PCDHA1: variants seen among roughly 807,000 people sequenced by gnomAD.
PCDHA1 encodes protocadherin alpha 1.
PCDHA1 carries 42 observed loss-of-function variants against 61.3 expected under a neutral mutation model. That is an observed-to-expected ratio of 0.69 (90% CI 0.54 to 0.89). The LOEUF is 0.89. PCDHA1 is among the 40% of genes least tolerant of loss of function. The pLI is 0.00. For synonymous variants in PCDHA1, 610 were observed against 553.8 expected (o/e 1.10, Z -1.43); for missense variants, 1,256 against 1,235.3 (o/e 1.02, Z -0.25).
At chr5:140,941,210 TC>T (rs2092849552) in intron 1 of PCDHA1, among the ~76,000 whole-genome samples, 1 of 100,630 alleles carries the variant, frequency 9.9e-6, no homozygotes, top group African/African-American at 5.4e-5. Flanking sequence ...TTCCTTTCTT[TC>T]TTCCTTTCTT....
intron 1 of PCDHA1, chr5:140,881,374 G>A: frequency 3.0e-6 from 3 of 984,938 alleles, no homozygotes; most frequent in Non-Finnish European, 3.6e-6. Flanking sequence ...ATGAATTGCA[G>A]CCGGCGGCGG....
At chr5:140,834,072 A>G (rs2150213347) in intron 1 of PCDHA1, among the ~76,000 whole-genome samples, 43 of 152,334 alleles carry the variant, frequency 2.8e-4, no homozygotes, top group Admixed American at 5.9e-4. Flanking sequence ...GAGAAATGCT[A>G]TTTTAACCTT....
Position 141,002,911 on chromosome 5 carries a change from G to C in PCDHA1, c.2543-6716G>C, listed in dbSNP as rs565172510. Among the ~76,000 whole-genome samples the C allele has an allele frequency of 3.3e-5, 5 of 152,330 alleles. No homozygotes were observed. The South Asian group carries it at 1.0e-3, about 32-fold the overall frequency. On this transcript the variant is annotated intron_variant, in intron 3 of 3. Transcript: ENST00000504120. ...ACAAAGCAAGATGAAGAGAAGATCA[G>C]AAAAGTGAACACCCTCCAACACCCT...
intron 1 of PCDHA1, among the ~76,000 whole-genome samples, chr5:140,975,004 T>C (rs1464460351): frequency 2.6e-5 from 4 of 152,170 alleles, no homozygotes; most frequent in African/African-American, 9.7e-5. Flanking sequence ...AAGGCTGAAA[T>C]GAACACAGCT....
chr5:140,941,202 C>CCTTCCTTT (rs1554213920), intron 1 of PCDHA1, among the ~76,000 whole-genome samples: 107 of 122,824 alleles, frequency 8.7e-4, no homozygotes, highest in Admixed American at 4.2e-3. Flanking sequence ...TTTCTTTCTT[C>CCTTCCTTT]CTTTCTTTCT....
At chr5:140,837,875 A>C (rs2150280386) in intron 1 of PCDHA1, among the ~76,000 whole-genome samples, 2,117 of 151,504 alleles carry the variant, frequency 0.014, 49 homozygotes, top group African/African-American at 0.049. Flanking sequence ...GACAGGGTGG[A>C]GTCTTGTTTC....
At chr5:140,974,856 C>G (rs2096643713) in intron 1 of PCDHA1, among the ~76,000 whole-genome samples, 1 of 152,104 alleles carries the variant, frequency 6.6e-6, no homozygotes, top group African/African-American at 2.4e-5. Context: ...TTCCCTTTTG[C>G]CTTAATGCGG....
intron 1 of PCDHA1, among the ~76,000 whole-genome samples, chr5:140,893,497 G>GA (rs1157700367): frequency 4.1e-4 from 62 of 150,170 alleles, no homozygotes; most frequent in African/African-American, 1.2e-3. Context: ...TCACAAAAAA[G>GA]AAAAAAAAAG....
intron 1 of PCDHA1, chr5:140,807,327 G>A (rs199939862): frequency 6.2e-7 from 1 of 1,613,720 alleles, no homozygotes; most frequent in Non-Finnish European, 8.5e-7. Context: ...TTCGTGGGCC[G>A]CATCGCGCAG....
chr5:140,836,378 G>A, intron 1 of PCDHA1: 2 of 1,613,750 alleles, frequency 1.2e-6, no homozygotes, highest in Non-Finnish European at 1.7e-6. Context: ...CAGCCACCGT[G>A]CTGGTGTCGC....
chr5:140,865,866 C>G (rs1004604196), intron 1 of PCDHA1: 1 of 152,128 alleles, frequency 6.6e-6, no homozygotes, highest in Non-Finnish European at 1.5e-5. Context: ...AACATGGTCT[C>G]GGCTAGGAAA....
intron 1 of PCDHA1, among the ~76,000 whole-genome samples, chr5:140,910,040 G>C (rs552041915): frequency 1.3e-5 from 2 of 152,276 alleles, no homozygotes; most frequent in South Asian, 4.2e-4. Context: ...AATCCCACTT[G>C]GTCATAATAA....
chr5:140,870,792 A>G (rs782032105), intron 1 of PCDHA1: 5 of 1,613,658 alleles, frequency 3.1e-6, no homozygotes, highest in East Asian at 2.2e-5. Flanking sequence ...ACGCGCCGGC[A>G]CTGCTGGCGA....
chr5:141,005,034 T>C (rs1435712039), intron 3 of PCDHA1, among the ~76,000 whole-genome samples: 1 of 152,222 alleles, frequency 6.6e-6, no homozygotes, highest in Non-Finnish European at 1.5e-5. Flanking sequence ...ATTGCCCATA[T>C]GTGATACCAT....
At chr5:140,840,562 G>C (rs1776767588) in intron 1 of PCDHA1, among the ~76,000 whole-genome samples, 1 of 152,076 alleles carries the variant, frequency 6.6e-6, no homozygotes, top group South Asian at 2.1e-4. Context: ...TACTGCTAGA[G>C]TTTGGCATGT....
rs201064172 is a variant in PCDHA1 at position 140,856,130 on chromosome 5, G to T, written c.2394+67446G>T. Reference sequence around the variant, plus strand: ...CCTCGCAGCCTGGGAGGTGGGGAGCGGCCAGCTCCACTACTCAGTCTACGA... The same window carrying T: ...CCTCGCAGCCTGGGAGGTGGGGAGCTGCCAGCTCCACTACTCAGTCTACGA... On this transcript the variant is annotated intron_variant, in intron 1 of 3. Coordinates refer to ENST00000504120, the MANE Select transcript of PCDHA1 (RefSeq NM_018900.4). 2.5e-4 allele frequency: 403 copies of T among 1,597,952 alleles called. 51 individuals carry two copies. Among genetic ancestry groups the T allele is most frequent in the Non-Finnish European group, 3.0e-4 (350 of 1,167,798 alleles).
chr5:140,853,712 G>A (rs2042842322), intron 1 of PCDHA1: 2 of 988,190 alleles, frequency 2.0e-6, no homozygotes, highest in Non-Finnish European at 2.4e-6. Flanking sequence ...ATTAGCATTA[G>A]CAGCACCTAA....
chr5:140,899,788 C>T (rs1260643506), intron 1 of PCDHA1, among the ~76,000 whole-genome samples: 3 of 152,054 alleles, frequency 2.0e-5, no homozygotes, highest in Admixed American at 6.6e-5. Context: ...TGGTATAATT[C>T]GGCTGTGAAT....
chr5:140,835,638 T>C, intron 1 of PCDHA1: 1 of 1,613,926 alleles, frequency 6.2e-7, no homozygotes, highest in Non-Finnish European at 8.5e-7. Context: ...CGAGAGTGTG[T>C]CCGCCTATGA....
Sources: allele counts gnomAD v4.1 joint callset (sites outside exome capture counted in the v4.1 genomes callset), GRCh38; gene constraint gnomAD v4.1.1; transcripts MANE v1.5; gene names NCBI Gene and HGNC (gene_info 2026-07-23, HGNC 2026-07-21).